The following STK11 variants were observed in gnomAD, a reference collection of about 807,000 sequenced individuals.
STK11 encodes the protein serine/threonine kinase 11, also known as serine/threonine-protein kinase STK11.
Under a neutral mutation model 47.3 loss-of-function variants are expected in STK11, and 8 were observed. The ratio of observed to expected loss-of-function variants is 0.17; its 90% CI spans 0.10 to 0.31. The LOEUF (loss-of-function observed/expected upper bound fraction) is 0.31. Ranked by LOEUF, STK11 falls within the 10% of genes least tolerant of loss-of-function variation. The pLI is 1.00. For synonymous variants in STK11, 330 were observed against 255.8 expected (o/e 1.29, Z -2.77); for missense variants, 475 against 605.0 (o/e 0.79, Z 2.25).
chr19:1,219,905 C>G (rs905786903), intron 3 of STK11: 2 of 192,984 alleles, frequency 1.0e-5, no homozygotes, highest in African/African-American at 4.7e-5. Context: ...CATCCACAGG[C>G]AGGGCTGCTG....
chr19:1,225,375 C>G (rs1350982379), intron 8 of STK11: 1 of 869,004 alleles, frequency 1.2e-6, no homozygotes, highest in East Asian at 1.2e-4. Flanking sequence ...CGGATTCAAG[C>G]AATTCTGCCT....
chr19:1,207,297 C>A, intron 1 of STK11, 94 bp downstream of exon 1: 1 of 1,471,218 alleles, frequency 6.8e-7, no homozygotes, highest in Non-Finnish European at 9.1e-7. Context: ...CCCTCCCTTA[C>A]TTCCTCTTAA....
At chr19:1,222,913 A>C (rs2080795085) in intron 7 of STK11, 72 bp from the exon 8 acceptor site, 3 of 1,465,828 alleles carry the variant, frequency 2.0e-6, no homozygotes, top group Non-Finnish European at 2.7e-6. Flanking sequence ...CTGGGCCCAG[A>C]GGAGCTGGGT....
chr19:1,209,753 C>T (rs1169209597), intron 1 of STK11, among the ~76,000 whole-genome samples: 1 of 151,762 alleles, frequency 6.6e-6, no homozygotes, highest in African/African-American at 2.4e-5. Context: ...GTCCTGGGAG[C>T]TCAGGTGAGC....
chr19:1,210,310 G>T (rs1007347339), intron 1 of STK11, among the ~76,000 whole-genome samples: 3 of 152,196 alleles, frequency 2.0e-5, no homozygotes, highest in Non-Finnish European at 4.4e-5. Flanking sequence ...TTGTGTGTGG[G>T]AAGTTTAATA....
chr19:1,207,657 T>C (rs1411754649), intron 1 of STK11, among the ~76,000 whole-genome samples: 1 of 152,238 alleles, frequency 6.6e-6, no homozygotes, highest in African/African-American at 2.4e-5. Context: ...AAATGTGATT[T>C]GTTTATCCTG....
At chr19:1,220,158 C>A (rs2080772269) in intron 3 of STK11, 2 of 560,334 alleles carry the variant, frequency 3.6e-6, no homozygotes, top group Middle Eastern at 4.7e-4. Context: ...CATCCGGGGC[C>A]CTGCCAGACG....
At chr19:1,219,174 A>G in intron 2 of STK11, 150 bp from the exon 3 acceptor site, 1 of 883,160 alleles carries the variant, frequency 1.1e-6, no homozygotes, top group Admixed American at 2.4e-5. Context: ...GGGCCTTTTC[A>G]GAGGGGTGGC....
At chr19:1,222,765 G>A (rs1356442565) in intron 7 of STK11, among the ~76,000 whole-genome samples, 2 of 152,204 alleles carry the variant, frequency 1.3e-5, no homozygotes, top group Non-Finnish European at 2.9e-5. Flanking sequence ...TGGGACACAG[G>A]CCTCAGGGTG....
In STK11 at chr19:1,206,871, G is replaced by T; in HGVS notation, c.-43G>T. 6.5e-7 allele frequency: 1 copy of T among 1,532,656 alleles called. No individual in the cohort carries two copies. Among genetic ancestry groups the T allele is most frequent in the Non-Finnish European group, 8.8e-7 (1 of 1,132,408 alleles). 94.9% of individuals were successfully genotyped at this position (1,532,656 alleles called of 1,614,324 possible). Reference sequence around the variant, plus strand: ...ACACAAGGAAGGACCGCTCACCCGCGGACTCAGGGCTGGCGGCGGGACTCC... The same window carrying T: ...ACACAAGGAAGGACCGCTCACCCGCTGACTCAGGGCTGGCGGCGGGACTCC... On this transcript the variant is annotated 5_prime_UTR_variant, in exon 1 of 10. Coordinates refer to ENST00000326873, the MANE Select transcript of STK11 (RefSeq NM_000455.5).
chr19:1,215,425 G>A (rs1335736434), intron 1 of STK11, among the ~76,000 whole-genome samples: 2 of 152,232 alleles, frequency 1.3e-5, no homozygotes, highest in African/African-American at 4.8e-5. Flanking sequence ...CCAGGGGCCG[G>A]AACCAGTTGC....
chr19:1,217,656 C>T (rs936331346), intron 1 of STK11, among the ~76,000 whole-genome samples: 8 of 152,178 alleles, frequency 5.3e-5, no homozygotes, highest in South Asian at 2.1e-4. Flanking sequence ...TCTCCTTCTT[C>T]GCCTGCCCCT....
intron 3 of STK11, 37 bp downstream of exon 3, chr19:1,219,450 G>A: frequency 6.5e-7 from 1 of 1,542,974 alleles, no homozygotes; most frequent in Non-Finnish European, 8.7e-7. Context: ...TGGGGCGGGG[G>A]CCGGGGGCCA....
intron 8 of STK11, chr19:1,226,009 C>G (rs940208998): frequency 2.2e-4 from 221 of 1,009,532 alleles, no homozygotes; most frequent in Non-Finnish European, 2.5e-4. Flanking sequence ...ATTTCGCGTG[C>G]CTGGCCTGAG....
chr19:1,218,598 A>G (rs1238088954), intron 2 of STK11, 98 bp downstream of exon 2: 7 of 1,080,538 alleles, frequency 6.5e-6, no homozygotes, highest in Non-Finnish European at 8.5e-6. Flanking sequence ...CGTCTCCTTG[A>G]AGGAGACTGG....
intron 5 of STK11, 41 bp downstream of exon 5, chr19:1,220,758 TC>T: frequency 6.4e-7 from 1 of 1,567,646 alleles, no homozygotes; most frequent in South Asian, 1.2e-5. Context: ...ACACGCACAC[TC>T]CGAGGGGCCT....
At position 1,220,538 on chromosome 19, in the gene STK11, C is replaced by CCCCTCCCGGGCACTCCCTGAGGGCTGCA; in HGVS notation, c.597+35_598-14dup. ...CGTGCTAGGGGGGGCCCTGGGGCGC[C>CCCCTCCCGGGCACTCCCTGAGGGCTGCA]CCCTCCCGGGCACTCCCTGAGGGCT... On this transcript the variant is annotated intron_variant, in intron 4 of 9. Coordinates refer to ENST00000326873, the MANE Select transcript of STK11 (RefSeq NM_000455.5). The CCCCTCCCGGGCACTCCCTGAGGGCTGCA allele has an allele frequency of 6.3e-7, 1 of 1,581,796 alleles. No individual in the cohort carries two copies. The highest frequency in any genetic ancestry group is 8.6e-7 in the Non-Finnish European group (1 of 1,162,902).
At chr19:1,211,216 G>A (rs190026875) in intron 1 of STK11, among the ~76,000 whole-genome samples, 143 of 152,326 alleles carry the variant, frequency 9.4e-4, no homozygotes, top group African/African-American at 3.3e-3. Flanking sequence ...CGGAGGTTGC[G>A]GTGAGCCGAG....
intron 1 of STK11, among the ~76,000 whole-genome samples, chr19:1,217,420 G>A (rs111600263): frequency 2.0e-5 from 3 of 152,148 alleles, no homozygotes; most frequent in East Asian, 1.9e-4. Flanking sequence ...GGCTGGTCTC[G>A]AACTCCTGAG....
Sources: gnomAD v4.1 joint callset for allele counts (sites outside exome capture counted in the v4.1 genomes callset) on GRCh38, gnomAD v4.1.1 for gene constraint, MANE v1.5 for transcripts, NCBI Gene and HGNC (gene_info 2026-07-23, HGNC 2026-07-21) for gene names.